TMEM217: variants seen among roughly 807,000 people sequenced by gnomAD.
The protein encoded by TMEM217 is chromosome 6 open reading frame 128.
For synonymous variants in TMEM217, 76 were observed against 88.3 expected (o/e 0.86, Z 0.78); for missense variants, 204 against 248.8 (o/e 0.82, Z 1.21).
intron 1 of TMEM217, among the ~76,000 whole-genome samples, chr6:37,241,097 C>T (rs1447853310): frequency 7.0e-6 from 1 of 143,584 alleles, no homozygotes; most frequent in East Asian, 2.0e-4. Flanking sequence ...AAAAGTATTA[C>T]TCTTTTTTTT....
At chr6:37,226,432 A>T (rs796663950) in intron 1 of TMEM217, among the ~76,000 whole-genome samples, 2 of 150,452 alleles carry the variant, frequency 1.3e-5, no homozygotes, top group South Asian at 4.2e-4. Flanking sequence ...AGCTGGGACT[A>T]TAGGCGCCTG....
At chr6:37,229,843 C>T (rs1764095598) in intron 1 of TMEM217, among the ~76,000 whole-genome samples, 1 of 152,174 alleles carries the variant, frequency 6.6e-6, no homozygotes, top group Non-Finnish European at 1.5e-5. Context: ...ATAATAGTAT[C>T]TCAGTTCTGT....
At chr6:37,212,190 G>A in exon 4 of TMEM217, 1 of 303,848 alleles carries the variant, frequency 3.3e-6, no homozygotes, top group Non-Finnish European at 6.4e-6. Context: ...AGATGGTTAA[G>A]TAAGCACAAG....
chr6:37,214,606 C>T (rs995370989), downstream of TMEM217, among the ~76,000 whole-genome samples: 3 of 152,156 alleles, frequency 2.0e-5, no homozygotes, highest in South Asian at 2.1e-4. Context: ...CCTCTTCCCC[C>T]GCTCCCTACT....
chr6:37,218,782 C>T, exon 2 of TMEM217: 8 of 1,614,094 alleles, frequency 5.0e-6, no homozygotes, highest in Non-Finnish European at 6.8e-6. Context: ...ACACTGAGTA[C>T]AGGAGGAAGC....
At chr6:37,224,570 G>A (rs1208792200) in intron 1 of TMEM217, among the ~76,000 whole-genome samples, 1 of 151,310 alleles carries the variant, frequency 6.6e-6, no homozygotes, top group Non-Finnish European at 1.5e-5. Context: ...TGCACTCCAG[G>A]CTGGGTGACA....
chr6:37,241,674 A>G (rs1187956115), intron 1 of TMEM217, among the ~76,000 whole-genome samples: 1 of 152,164 alleles, frequency 6.6e-6, no homozygotes. Flanking sequence ...AGAGAGATTG[A>G]ATTTTTTTCT....
exon 2 of TMEM217, chr6:37,218,451 C>G (rs866426233): frequency 6.2e-7 from 1 of 1,610,666 alleles, no homozygotes; most frequent in African/African-American, 1.3e-5. Context: ...TACTGGGATT[C>G]CAGGTGTGAG....
At chr6:37,222,409 G>A (rs975121207) in intron 1 of TMEM217, among the ~76,000 whole-genome samples, 2 of 152,236 alleles carry the variant, frequency 1.3e-5, no homozygotes, top group African/African-American at 2.4e-5. Flanking sequence ...AGACATCCGG[G>A]AGCCTGCAGG....
chr6:37,234,264 T>TA (rs1456614439), intron 1 of TMEM217, among the ~76,000 whole-genome samples: 4 of 152,116 alleles, frequency 2.6e-5, no homozygotes, highest in African/African-American at 9.7e-5. Flanking sequence ...CACACCCAGC[T>TA]AACTTTTGTA....
chr6:37,244,767 G>GGGGCT (rs1258942764), intron 1 of TMEM217, among the ~76,000 whole-genome samples: 2 of 152,216 alleles, frequency 1.3e-5, no homozygotes, highest in Non-Finnish European at 2.9e-5. Context: ...CAGTTTATCT[G>GGGGCT]GGGCTGGGCT....
At chr6:37,241,475 C>G (rs930468739) in intron 1 of TMEM217, among the ~76,000 whole-genome samples, 1 of 152,128 alleles carries the variant, frequency 6.6e-6, no homozygotes, top group African/African-American at 2.4e-5. Context: ...CTTCCCTCCT[C>G]CAACCTCAGT....
intron 1 of TMEM217, among the ~76,000 whole-genome samples, chr6:37,244,381 G>A (rs557956664): frequency 6.6e-6 from 1 of 152,322 alleles, no homozygotes; most frequent in Admixed American, 6.5e-5. Context: ...TTTCACATGA[G>A]GGAGAAAAAC....
At position 37,218,661 on chromosome 6, in the gene TMEM217, C is replaced by T. The variant is rs1411805471; in HGVS notation, c.370G>A (p.Val124Ile). 2 of 1,613,998 alleles carry T rather than the reference C, an allele frequency of 1.2e-6. No individual in the cohort carries two copies. The highest frequency in any genetic ancestry group is 2.7e-5 in the African/African-American group (2 of 74,878). Reference sequence around the variant, plus strand: ...AAGCCAAACCAGCGCATGATTCTGACCTCTTTAATGTCAAAGTCATTGTTG... The same window carrying T: ...AAGCCAAACCAGCGCATGATTCTGATCTCTTTAATGTCAAAGTCATTGTTG... Residue 124 changes from valine to isoleucine, a missense_variant, in exon 2 of 2, where the codon GTC becomes ATC. By Grantham distance (29) the Val-to-Ile change is conservative. Coordinates refer to ENST00000357219, the Ensembl canonical transcript of TMEM217.
chr6:37,250,721 G>A (rs749206301), intron 1 of TMEM217, among the ~76,000 whole-genome samples: 1 of 152,240 alleles, frequency 6.6e-6, no homozygotes, highest in Admixed American at 6.5e-5. Context: ...ACACGTGTAT[G>A]TATGTGTAAG....
At chr6:37,218,829 C>T (rs371477419) in exon 2 of TMEM217, 42 of 1,613,980 alleles carry the variant, frequency 2.6e-5, no homozygotes, top group East Asian at 1.1e-4. Context: ...AGGAAGAGGA[C>T]GATTTTAAAA....
At chr6:37,225,611 G>A (rs575833028) in intron 1 of TMEM217, among the ~76,000 whole-genome samples, 5 of 152,266 alleles carry the variant, frequency 3.3e-5, no homozygotes, top group South Asian at 2.1e-4. Flanking sequence ...GATAGCAAAC[G>A]TCCTCTTTGT....
At chr6:37,235,953 C>G (rs1764480091) in intron 1 of TMEM217, among the ~76,000 whole-genome samples, 2 of 152,072 alleles carry the variant, frequency 1.3e-5, no homozygotes, top group Admixed American at 6.6e-5. Flanking sequence ...TTGGAGGGGT[C>G]AAACACATTC....
chr6:37,240,882 A>G (rs779109824), intron 1 of TMEM217, among the ~76,000 whole-genome samples: 30 of 152,080 alleles, frequency 2.0e-4, no homozygotes, highest in Admixed American at 6.5e-4. Flanking sequence ...TTAAGATTCT[A>G]TTTTGATTTA....
Sources: allele counts gnomAD v4.1 joint callset (sites outside exome capture counted in the v4.1 genomes callset), GRCh38; gene constraint gnomAD v4.1.1; transcripts MANE v1.5; gene names NCBI Gene and HGNC (gene_info 2026-07-23, HGNC 2026-07-21).